The following MRTFB variants were observed in gnomAD, a reference collection of about 807,000 sequenced individuals.
The protein encoded by MRTFB is myocardin related transcription factor B, also known as myocardin-related transcription factor B.
A neutral mutation model predicts 104.2 loss-of-function variants in MRTFB; 29 were observed. The ratio of observed to expected loss-of-function variants is 0.28; its 90% confidence interval spans 0.21 to 0.38. MRTFB has a LOEUF of 0.38. Ranked by LOEUF, MRTFB falls within the 10% of genes least tolerant of loss-of-function variation. MRTFB has a pLI of 1.00. For synonymous variants in MRTFB, 535 were observed against 519.5 expected, an observed-to-expected ratio of 1.03 and a Z score of -0.41; for missense variants, 1,270 against 1,341.6, an observed-to-expected ratio of 0.95 and a Z score of 0.83.
At chr16:14,141,609 C>G (rs554057548) in intron 3 of MRTFB, 2 of 152,188 alleles carry the variant, frequency 1.3e-5, no homozygotes, top group Non-Finnish European at 2.9e-5. Flanking sequence ...TGCAGAGTGC[C>G]TCATTATGTA....
At chr16:14,008,813 G>A in the MRTFB span, among the ~76,000 whole-genome samples, 3 of 152,086 alleles carry the variant, frequency 2.0e-5, no homozygotes, top group South Asian at 6.2e-4. Flanking sequence ...ATAAACATGG[G>A]ATGTCTTTCC....
At chr16:14,188,921 T>C (rs1355373514) in intron 3 of MRTFB, among the ~76,000 whole-genome samples, 3 of 152,232 alleles carry the variant, frequency 2.0e-5, no homozygotes, top group Non-Finnish European at 2.9e-5. Context: ...AATTCGTTGA[T>C]ATAAAGAGGT....
chr16:14,044,676 T>C, the MRTFB span, among the ~76,000 whole-genome samples: 2 of 152,216 alleles, frequency 1.3e-5, no homozygotes, highest in Non-Finnish European at 2.9e-5. Context: ...AAGGTCATCA[T>C]TGATCTAGAG....
intron 7 of MRTFB, 118 bp downstream of exon 7, chr16:14,217,405 G>C: frequency 1.6e-5 from 13 of 800,288 alleles, no homozygotes; most frequent in South Asian, 3.1e-5. Flanking sequence ...GGGTTAATTA[G>C]AAATTAACAC....
intron 1 of MRTFB, among the ~76,000 whole-genome samples, chr16:14,077,164 G>C (rs1291366392): frequency 6.6e-6 from 1 of 152,108 alleles, no homozygotes; most frequent in African/African-American, 2.4e-5. Flanking sequence ...ATGGTATCTG[G>C]ATTTTACGTC....
intron 2 of MRTFB, among the ~76,000 whole-genome samples, chr16:14,089,225 A>T (rs1008209277): frequency 6.6e-6 from 1 of 152,184 alleles, no homozygotes; most frequent in Non-Finnish European, 1.5e-5. Context: ...GTATTCTCAC[A>T]GAGTTGTACA....
chr16:14,246,763 C>A lies in MRTFB; in HGVS notation c.1503C>A (p.Ser501=), dbSNP rs201837515. ...CAACCCGTGTGGAAAATGTTCATTC[C>A]CCTCTGCCCATTTCACCATCTCCCT... is the stretch of plus-strand genomic sequence containing the variant. ...SNATRVENVH[S]PLPISPSPSE... The change falls in exon 12 of 17, where the codon TCC becomes TCA. Residue 501 remains serine (S), a synonymous_variant. Transcript: ENST00000571589. 1.2e-6 allele frequency: 2 copies of A among 1,614,052 alleles called. No homozygotes were observed. Among genetic ancestry groups the A allele is most frequent in the Non-Finnish European group, 1.7e-6 (2 of 1,180,024 alleles).
chr16:14,139,436 G>A (rs906461685), intron 2 of MRTFB, among the ~76,000 whole-genome samples: 2 of 152,136 alleles, frequency 1.3e-5, no homozygotes, highest in African/African-American at 4.8e-5. Context: ...GGAACAACTG[G>A]AATTCTCATA....
At chr16:14,042,587 C>T in the MRTFB span, among the ~76,000 whole-genome samples, 1 of 152,302 alleles carries the variant, frequency 6.6e-6, no homozygotes, top group Admixed American at 6.5e-5. Context: ...CAGGGCTCAT[C>T]AGTGAATGAG....
At chr16:14,004,647 C>T in the MRTFB span, among the ~76,000 whole-genome samples, 3 of 152,194 alleles carry the variant, frequency 2.0e-5, no homozygotes, top group Non-Finnish European at 2.9e-5. Flanking sequence ...GAGCCAGACA[C>T]AGGGACTGCA....
chr16:14,185,058 A>G (rs565575218), intron 3 of MRTFB, among the ~76,000 whole-genome samples: 1 of 152,356 alleles, frequency 6.6e-6, no homozygotes, highest in Non-Finnish European at 1.5e-5. Flanking sequence ...TTAAAAGTGC[A>G]TGAGTAGTTT....
chr16:14,089,053 T>C (rs1408377881), intron 2 of MRTFB, among the ~76,000 whole-genome samples: 1 of 152,232 alleles, frequency 6.6e-6, no homozygotes, highest in African/African-American at 2.4e-5. Context: ...TGTGTGTTTT[T>C]ACAACAGGTT....
chr16:14,083,898 G>T (rs2034554542), intron 2 of MRTFB, among the ~76,000 whole-genome samples: 1 of 152,102 alleles, frequency 6.6e-6, no homozygotes, highest in Non-Finnish European at 1.5e-5. Flanking sequence ...TGGCAATCCA[G>T]TAGGAGACAA....
the MRTFB span, among the ~76,000 whole-genome samples, chr16:14,063,885 A>G: frequency 6.6e-6 from 1 of 152,158 alleles, no homozygotes; most frequent in Non-Finnish European, 1.5e-5. Context: ...GTTGATGTGC[A>G]TTTAGGTTGA....
At chr16:14,258,918 A>T (rs1321786671) in intron 16 of MRTFB, among the ~76,000 whole-genome samples, 1 of 151,812 alleles carries the variant, frequency 6.6e-6, no homozygotes, top group Non-Finnish European at 1.5e-5. Context: ...ATCAATATTT[A>T]AAAAAAAATT....
intron 2 of MRTFB, among the ~76,000 whole-genome samples, chr16:14,133,853 A>AT (rs1220912120): frequency 1.2e-4 from 18 of 152,174 alleles, no homozygotes; most frequent in Non-Finnish European, 2.5e-4. Flanking sequence ...TCTGAAATTC[A>AT]TTCATTATGA....
intron 2 of MRTFB, among the ~76,000 whole-genome samples, chr16:14,137,790 T>C (rs1413513959): frequency 1.3e-5 from 2 of 152,152 alleles, no homozygotes; most frequent in African/African-American, 4.8e-5. Flanking sequence ...TGTGTCTTCA[T>C]ATTTAAAGTA....
At chr16:14,186,754 C>T in intron 3 of MRTFB, 1 of 1,478,142 alleles carries the variant, frequency 6.8e-7, no homozygotes. Context: ...AGGGTAATGG[C>T]TGCCTTCAGC....
chr16:14,016,233 G>A, the MRTFB span, among the ~76,000 whole-genome samples: 1 of 152,042 alleles, frequency 6.6e-6, no homozygotes, highest in Non-Finnish European at 1.5e-5. Flanking sequence ...CATCTCGGAT[G>A]TGAAAGCTCT....
Sources: gnomAD v4.1 joint callset for allele counts (sites outside exome capture counted in the v4.1 genomes callset) on GRCh38, gnomAD v4.1.1 for gene constraint, MANE v1.5 for transcripts, NCBI Gene and HGNC (gene_info 2026-07-23, HGNC 2026-07-21) for gene names.